The following FAM98B variants were observed in gnomAD, a reference collection of about 807,000 sequenced individuals.
FAM98B encodes the protein tRNA splicing ligase complex subunit 3B, also known as tRNA-splicing ligase complex subunit FAM98B.
A neutral mutation model predicts 43.9 loss-of-function variants in FAM98B; 32 were observed. The observed-to-expected ratio is 0.73, with a 90% CI of 0.55 to 0.98. FAM98B has a LOEUF of 0.98. FAM98B is among the 50% of genes least tolerant of loss of function. The pLI is 0.00. For missense variants in FAM98B, 514 were observed against 522.9 expected, an observed-to-expected ratio of 0.98 and a Z score of 0.17; for synonymous variants, 190 against 174.0, an observed-to-expected ratio of 1.09 and a Z score of -0.72.
chr15:38,484,438 G>A lies in FAM98B; in HGVS notation c.1081G>A (p.Gly361Ser), dbSNP rs1349222614. 2.7e-5 allele frequency: 24 copies of A among 884,240 alleles called. No individual in the cohort carries two copies. The Admixed American group carries it at 3.7e-4, about 14-fold the overall frequency. 54.8% of individuals were successfully genotyped at this position (884,240 alleles called of 1,614,324 possible). A position where few individuals can be genotyped will look rare whatever the true frequency, so the allele number is the denominator to read the frequency against. The change falls in exon 8 of 8, where the codon GGT (glycine) becomes AGT (serine). Residue 361 changes from glycine (G) to serine (S), a missense_variant. Transcript: ENST00000397609. ...TGGGGGTGGGAGAGGTGGCTGGGGG[G>A]GTGGAGGAGGAGGTTGGGGAGGTGG... is the stretch of plus-strand genomic sequence containing the variant. ...GGGGGRGGWG[G>S]GGGGWGGGGG...
chr15:38,457,702 G>C (rs1889870085), intron 1 of FAM98B, among the ~76,000 whole-genome samples: 1 of 152,138 alleles, frequency 6.6e-6, no homozygotes, highest in African/African-American at 2.4e-5. Flanking sequence ...AAGAATAGAG[G>C]TGGAGAGGAA....
intron 1 of FAM98B, among the ~76,000 whole-genome samples, chr15:38,457,831 A>G (rs1889873040): frequency 3.9e-5 from 6 of 152,164 alleles, no homozygotes. Context: ...TTATAAGATA[A>G]TGGGAGAGCA....
intron 1 of FAM98B, among the ~76,000 whole-genome samples, chr15:38,457,643 T>A (rs1341443845): frequency 6.6e-6 from 1 of 151,914 alleles, no homozygotes; most frequent in Admixed American, 6.6e-5. Context: ...GAGCTCAGGG[T>A]GTGAGATAGG....
At position 38,474,350 on chromosome 15, in the gene FAM98B, T is replaced by C. The variant is rs771885419; in HGVS notation, c.729+52T>C. 5.6e-6 allele frequency: 7 copies of C among 1,256,790 alleles called. No individual in the cohort carries two copies. The Admixed American group carries it at 7.5e-5, about 13-fold the overall frequency. The allele number at this position is 1,256,790 out of a possible 1,614,324, so 77.9% of individuals were successfully genotyped here. On this transcript the variant is annotated intron_variant, in intron 6 of 7. Transcript: ENST00000397609. Reference sequence around the variant, plus strand: ...TGTAGGTGGTAGCCTATAACAGCTCTTCTGGCTTGCTTGTCTGTTATGTAA... The same window carrying C: ...TGTAGGTGGTAGCCTATAACAGCTCCTCTGGCTTGCTTGTCTGTTATGTAA...
chr15:38,474,138 TGAAA>T, intron 5 of FAM98B, 40 bp from the exon 6 acceptor site: 1 of 1,394,374 alleles, frequency 7.2e-7, no homozygotes, highest in African/African-American at 1.4e-5. Context: ...CTTTGCAGAA[TGAAA>T]GAATCTAAAG....
At chr15:38,458,455 A>G (rs1300940095) in intron 1 of FAM98B, among the ~76,000 whole-genome samples, 2 of 152,178 alleles carry the variant, frequency 1.3e-5, no homozygotes, top group Non-Finnish European at 2.9e-5. Flanking sequence ...AGAGTCTTTC[A>G]GCTTCTCCCC....
At chr15:38,456,397 A>T (rs1450737324) in intron 1 of FAM98B, among the ~76,000 whole-genome samples, 1 of 152,230 alleles carries the variant, frequency 6.6e-6, no homozygotes, top group Non-Finnish European at 1.5e-5. Context: ...ACAGACCTGC[A>T]TATTTTTAAA....
At chr15:38,454,317 T>C in intron 1 of FAM98B, 85 bp downstream of exon 1, 1 of 1,432,144 alleles carries the variant, frequency 7.0e-7, no homozygotes, top group Non-Finnish European at 9.6e-7. Context: ...TGGGCCTCTG[T>C]GGGCCTGGGC....
rs547369951 is a variant in FAM98B, at chr15:38,478,928, A to C, written c.730-2364A>C. ...AGTACCCTTTTTAAAATTAACTCTT[A>C]ATTTTTTTGAGATATAATTAACATA... On this transcript the variant is annotated intron_variant, in intron 6 of 7. Coordinates refer to ENST00000397609, the MANE Select transcript of FAM98B (RefSeq NM_173611.4). Among the ~76,000 whole-genome samples, 8 of 152,160 alleles carry C rather than the reference A, an allele frequency of 5.3e-5. No individual in the cohort carries two copies. In the South Asian group the frequency reaches 1.7e-3, roughly 32 times the overall value.
intron 6 of FAM98B, among the ~76,000 whole-genome samples, chr15:38,476,446 G>GTA (rs1038452009): frequency 6.9e-6 from 1 of 144,460 alleles, no homozygotes; most frequent in Non-Finnish European, 1.5e-5. Context: ...CCTTTTTTCT[G>GTA]TATTCTCTTT....
chr15:38,461,024 T>A (rs1173782481), intron 1 of FAM98B, among the ~76,000 whole-genome samples: 1 of 152,240 alleles, frequency 6.6e-6, no homozygotes, highest in African/African-American at 2.4e-5. Flanking sequence ...TGTTCCTCTT[T>A]TTATTTTTAC....
At chr15:38,461,416 A>C (rs964337782) in intron 1 of FAM98B, among the ~76,000 whole-genome samples, 2 of 152,194 alleles carry the variant, frequency 1.3e-5, no homozygotes, top group African/African-American at 4.8e-5. Context: ...ACAGAGGTCT[A>C]ACAAGACCTA....
chr15:38,470,189 T>C (rs759041910), intron 3 of FAM98B, 38 bp from the exon 4 acceptor site: 12 of 1,299,830 alleles, frequency 9.2e-6, no homozygotes, highest in Admixed American at 3.1e-5. Flanking sequence ...GAGATTCTTA[T>C]ACATGTATTA....
Position 38,464,036 on chromosome 15 carries a change from A to G in FAM98B, c.76A>G (p.Lys26Glu). 1 of 1,606,970 alleles carries G rather than the reference A, an allele frequency of 6.2e-7. No homozygotes were observed. The highest frequency in any genetic ancestry group is 8.5e-7 in the Non-Finnish European group (1 of 1,176,700). Residue 26 changes from lysine (K) to glutamate (E), a missense_variant, in exon 2 of 8, where the codon AAA becomes GAA. This residue lies in a region of FAM98B where 469 missense variants were observed against 451.8 expected (regional missense o/e 1.04). Coordinates refer to ENST00000397609, the MANE Select transcript of FAM98B (RefSeq NM_173611.4). The stretch of plus-strand genomic sequence containing the variant: ...CTTGTATTTCTTCCTTTCTAGGTAT[A>G]AAGGACCATTGTTAGAAGAGCAAGC... ...VLDTLEALGYKGPLLEEQALT... is the reference protein window; with the variant it reads ...VLDTLEALGYEGPLLEEQALT...
At chr15:38,460,072 T>C (rs865836587) in intron 1 of FAM98B, among the ~76,000 whole-genome samples, 22 of 152,204 alleles carry the variant, frequency 1.4e-4, no homozygotes, top group Admixed American at 2.0e-4. Flanking sequence ...GCAGCCCTAA[T>C]GGACTGAAGA....
chr15:38,466,254 C>T (rs191675561), intron 3 of FAM98B, among the ~76,000 whole-genome samples: 4 of 149,080 alleles, frequency 2.7e-5, no homozygotes, highest in Non-Finnish European at 5.9e-5. Context: ...TTGAAATTAC[C>T]TTGTGTGTGT....
intron 7 of FAM98B, chr15:38,483,153 C>T (rs972097689): frequency 6.6e-6 from 1 of 151,982 alleles, no homozygotes; most frequent in Admixed American, 6.5e-5. Context: ...TAATCAATTA[C>T]CAAATCAATG....
At chr15:38,465,537 A>G in intron 3 of FAM98B, 134 bp downstream of exon 3, 1 of 799,038 alleles carries the variant, frequency 1.3e-6, no homozygotes, top group Non-Finnish European at 1.8e-6. Context: ...ATACAAAGCT[A>G]TCTCAGAAAT....
chr15:38,484,184 A>T, intron 7 of FAM98B, 71 bp from the exon 8 acceptor site: 4 of 1,400,310 alleles, frequency 2.9e-6, no homozygotes, highest in Non-Finnish European at 3.9e-6. Flanking sequence ...ATTAGAAACA[A>T]CATCACTTGA....
Sources: gnomAD v4.1 joint callset for allele counts (sites outside exome capture counted in the v4.1 genomes callset) on GRCh38, gnomAD v4.1.1 for gene constraint, gnomAD v4.1.1 regional missense constraint, MANE v1.5 for transcripts, NCBI Gene and HGNC (gene_info 2026-07-23, HGNC 2026-07-21) for gene names.